The following CDH12 variants were observed in gnomAD, a reference collection of about 807,000 sequenced individuals.
CDH12 encodes the protein cadherin-12.
Under a neutral mutation model 74.1 loss-of-function variants are expected in CDH12, and 41 were observed. The ratio of observed to expected loss-of-function variants is 0.55; its 90% CI spans 0.43 to 0.72. The LOEUF (loss-of-function observed/expected upper bound fraction) is 0.72. CDH12 is among the 30% of genes least tolerant of loss of function. The probability of loss-of-function intolerance (pLI) is 0.00; values close to 1 mark genes in which losing one functional copy is unlikely to be tolerated. For missense variants in CDH12, 945 were observed against 977.2 expected (o/e 0.97, Z 0.44); for synonymous variants, 399 against 355.0 (o/e 1.12, Z -1.39).
At chr5:22,481,313 G>C (rs1746373360) in intron 2 of CDH12, among the ~76,000 whole-genome samples, 1 of 152,156 alleles carries the variant, frequency 6.6e-6, no homozygotes, top group Non-Finnish European at 1.5e-5. Context: ...ATTAAAAATA[G>C]AATTACTATA....
intron 2 of CDH12, among the ~76,000 whole-genome samples, chr5:22,502,654 ACACACAG>A (rs1463270304): frequency 5.0e-5 from 7 of 138,742 alleles, no homozygotes; most frequent in African/African-American, 1.8e-4. Context: ...ACACACACGC[ACACACAG>A]ACACACACAC....
At chr5:22,118,134 G>T (rs142417337) in intron 4 of CDH12, among the ~76,000 whole-genome samples, 1 of 152,020 alleles carries the variant, frequency 6.6e-6, no homozygotes, top group African/African-American at 2.4e-5. Context: ...TATTATATCT[G>T]CTTAGATACA....
chr5:22,272,214 T>G (rs954903424), intron 3 of CDH12, among the ~76,000 whole-genome samples: 1 of 152,238 alleles, frequency 6.6e-6, no homozygotes, highest in African/African-American at 2.4e-5. Context: ...CCTTGCATTT[T>G]ATGTTATGGA....
chr5:21,799,348 T>G (rs1297110665), intron 10 of CDH12, among the ~76,000 whole-genome samples: 1 of 152,060 alleles, frequency 6.6e-6, no homozygotes, highest in Admixed American at 6.6e-5. Context: ...ATAAAAGAAA[T>G]GAAATAAAGA....
At chr5:22,376,856 A>G (rs1014427326) in intron 3 of CDH12, among the ~76,000 whole-genome samples, 5 of 152,150 alleles carry the variant, frequency 3.3e-5, no homozygotes, top group Non-Finnish European at 7.4e-5. Context: ...CATGTACCCC[A>G]TAAGTATGTA....
intron 1 of CDH12, among the ~76,000 whole-genome samples, chr5:22,744,024 A>C (rs192069363): frequency 4.6e-5 from 7 of 152,288 alleles, no homozygotes; most frequent in African/African-American, 1.7e-4. Flanking sequence ...AAATATTTTT[A>C]ATGTAAAACA....
intron 6 of CDH12, among the ~76,000 whole-genome samples, chr5:21,915,869 T>C (rs1336444695): frequency 6.8e-6 from 1 of 147,818 alleles, no homozygotes. Context: ...TGTTCATGTA[T>C]TAAAAGAAGT....
intron 4 of CDH12, among the ~76,000 whole-genome samples, chr5:22,151,118 T>C (rs541931785): frequency 6.6e-6 from 1 of 152,328 alleles, no homozygotes; most frequent in East Asian, 1.9e-4. Flanking sequence ...GCCATGAGTC[T>C]ATCCACACCC....
chr5:22,688,941 G>T (rs1298681846), intron 1 of CDH12, among the ~76,000 whole-genome samples: 2 of 152,048 alleles, frequency 1.3e-5, no homozygotes, highest in Non-Finnish European at 2.9e-5. Context: ...AATAATTTTT[G>T]AGCAGGCGTT....
At position 22,315,854 on chromosome 5, in the gene CDH12, G is replaced by A. The variant is rs117094810; in HGVS notation, c.-333+89403C>T. On this transcript the variant is annotated intron_variant, in intron 3 of 14. Coordinates refer to ENST00000382254, the MANE Select transcript of CDH12 (RefSeq NM_004061.5). ...GTGGCTGCATTGCCAGACACCTTTCGCAAACTCTGTGAAGGAGGTTTTGAA... is the reference window on the plus strand; with the variant it reads ...GTGGCTGCATTGCCAGACACCTTTCACAAACTCTGTGAAGGAGGTTTTGAA... 2.2e-3 allele frequency among the ~76,000 whole-genome samples: 333 copies of A among 152,120 alleles called. 2 individuals are homozygous for A. In the East Asian group the frequency reaches 0.035, roughly 16 times the overall value.
chr5:22,603,631 T>C (rs1736955007), intron 1 of CDH12, among the ~76,000 whole-genome samples: 1 of 151,916 alleles, frequency 6.6e-6, no homozygotes, highest in African/African-American at 2.4e-5. Flanking sequence ...AGGAAAGAAA[T>C]GGTCCAAGGG....
intron 3 of CDH12, among the ~76,000 whole-genome samples, chr5:22,238,765 AAG>A (rs1412967448): frequency 6.6e-6 from 1 of 152,214 alleles, no homozygotes; most frequent in African/African-American, 2.4e-5. Context: ...GTACAATAAT[AAG>A]AGCCCTCTTA....
intron 2 of CDH12, among the ~76,000 whole-genome samples, chr5:22,493,292 A>G (rs1746964566): frequency 1.3e-5 from 2 of 152,160 alleles, no homozygotes; most frequent in South Asian, 4.1e-4. Context: ...TTATAAATTA[A>G]TAATTCATTT....
intron 4 of CDH12, among the ~76,000 whole-genome samples, chr5:22,190,304 T>C (rs1457270548): frequency 6.6e-6 from 1 of 152,112 alleles, no homozygotes; most frequent in Admixed American, 6.6e-5. Context: ...TACAGTGATC[T>C]GTTGGATGAT....
At chr5:22,518,072 G>A (rs1736882840) in intron 1 of CDH12, among the ~76,000 whole-genome samples, 1 of 152,174 alleles carries the variant, frequency 6.6e-6, no homozygotes, top group African/African-American at 2.4e-5. Context: ...GTTTTGTGGG[G>A]TCCCTGTCTG....
rs556358375 is a variant in CDH12, at chr5:22,130,346, C to G, written c.-186-51484G>C. On this transcript the variant is annotated intron_variant, in intron 4 of 14. Transcript: ENST00000382254. ...CACTGGCAGTGCTGGATGATCGTGA[C>G]TTTTTTCTCTATTTCAGTAAGGGGG... Among the ~76,000 whole-genome samples the G allele has an allele frequency of 3.0e-3, 460 of 152,022 alleles. 3 individuals carry two copies. The highest frequency in any genetic ancestry group is 0.01 in the African/African-American group (429 of 41,484).
intron 3 of CDH12, among the ~76,000 whole-genome samples, chr5:22,220,505 T>C (rs1392738777): frequency 6.6e-6 from 1 of 151,728 alleles, no homozygotes; most frequent in Non-Finnish European, 1.5e-5. Flanking sequence ...TTATTCATCA[T>C]GAGAAACTAA....
chr5:22,631,391 T>C (rs1738578134), intron 1 of CDH12, among the ~76,000 whole-genome samples: 1 of 152,142 alleles, frequency 6.6e-6, no homozygotes, highest in African/African-American at 2.4e-5. Context: ...AACCTAAATG[T>C]TTATCATTGC....
At chr5:22,775,571 T>G (rs1747048129) in intron 1 of CDH12, among the ~76,000 whole-genome samples, 1 of 151,976 alleles carries the variant, frequency 6.6e-6, no homozygotes, top group African/African-American at 2.4e-5. Context: ...AAAAAAAAAC[T>G]GGATAATATT....
Sources: allele counts gnomAD v4.1 joint callset (sites outside exome capture counted in the v4.1 genomes callset), GRCh38; gene constraint gnomAD v4.1.1; transcripts MANE v1.5; gene names NCBI Gene and HGNC (gene_info 2026-07-23, HGNC 2026-07-21).